The following ADAMTS17 variants were observed in gnomAD, a reference collection of about 807,000 sequenced individuals.
The protein encoded by ADAMTS17 is A disintegrin and metalloproteinase with thrombospondin motifs 17.
Under a neutral mutation model 141.5 loss-of-function variants are expected in ADAMTS17, and 113 were observed. That is an observed-to-expected ratio of 0.80 (90% CI 0.69 to 0.93). ADAMTS17 has a LOEUF of 0.93. ADAMTS17 is among the 40% of genes least tolerant of loss of function. The pLI is 0.00. For missense variants in ADAMTS17, 1,659 were observed against 1,517.9 expected (o/e 1.09, Z -1.54); for synonymous variants, 768 against 630.6 (o/e 1.22, Z -3.27).
chr15:100,096,432 G>C lies in ADAMTS17; in HGVS notation c.2061C>G (p.Asp687Glu), dbSNP rs755389468. 3 of 1,614,136 alleles carry C rather than the reference G, an allele frequency of 1.9e-6. No individual in the cohort carries two copies. ...DGIIGSAAKE[D>E]RCGVCSGDGK... Reference sequence around the variant, plus strand: ...CGTCCCCGCTGCAGACCCCGCATCTGTCCTCTTTGGCTGCAGACCCGATGA... The same window carrying C: ...CGTCCCCGCTGCAGACCCCGCATCTCTCCTCTTTGGCTGCAGACCCGATGA... The change falls in exon 15 of 22, where the codon GAC becomes GAG. Residue 687 changes from aspartate (D) to glutamate (E), a missense_variant. Physicochemically the swap from Asp to Glu is conservative, Grantham distance 45. Transcript: ENST00000268070.
chr15:99,984,288 T>C (rs1344940844), intron 20 of ADAMTS17, among the ~76,000 whole-genome samples: 1 of 152,134 alleles, frequency 6.6e-6, no homozygotes, highest in Admixed American at 6.5e-5. Flanking sequence ...CTCATCCTCT[T>C]TCCTGGGGCT....
chr15:100,146,820 G>A lies in ADAMTS17; in HGVS notation c.1473+5792C>T, dbSNP rs561261595. Among the ~76,000 whole-genome samples the A allele has an allele frequency of 2.8e-3, 163 of 58,862 alleles. 1 individual carries two copies. Among genetic ancestry groups the A allele is most frequent in the Middle Eastern group, 7.5e-3 (1 of 134 alleles). The allele number at this position is 58,862 out of a possible 152,430, so 38.6% of individuals were successfully genotyped here. ...CTGGGTGTGGTTGTCTCTTATGGTC[G>A]AGACTGCAGAGGTGAAATAGACCCC... On this transcript the variant is annotated intron_variant, in intron 10 of 21. Coordinates refer to ENST00000268070, the MANE Select transcript of ADAMTS17 (RefSeq NM_139057.4).
chr15:100,059,865 T>A (rs1231118140), intron 15 of ADAMTS17, among the ~76,000 whole-genome samples: 1 of 152,138 alleles, frequency 6.6e-6, no homozygotes, highest in African/African-American at 2.4e-5. Context: ...CATAATGTAT[T>A]TTTTTTCCTG....
chr15:100,144,281 G>C (rs2038794483), intron 10 of ADAMTS17, among the ~76,000 whole-genome samples: 3 of 152,178 alleles, frequency 2.0e-5, no homozygotes, highest in Admixed American at 2.0e-4. Flanking sequence ...GCTGGGCGTG[G>C]TGGCTCACAC....
intron 12 of ADAMTS17, among the ~76,000 whole-genome samples, chr15:100,117,605 C>G (rs762823546): frequency 7.9e-5 from 12 of 152,174 alleles, no homozygotes; most frequent in Non-Finnish European, 1.5e-4. Context: ...GTCTTGGATC[C>G]TAGATGCTCT....
Position 100,290,210 on chromosome 15 carries a change from C to CAATGCA in ADAMTS17, c.617-8810_617-8809insTGCATT, listed in dbSNP as rs1265710865. On this transcript the variant is annotated intron_variant, in intron 3 of 21. Coordinates refer to ENST00000268070, the MANE Select transcript of ADAMTS17 (RefSeq NM_139057.4). ...CAAAAATCAGTAGCATTTCTATATA[C>CAATGCA]CAATGACATCCAAGATGAGTGCAAA... 3.3e-5 allele frequency among the ~76,000 whole-genome samples: 5 copies of CAATGCA among 152,064 alleles called. No homozygotes were observed. The East Asian group carries it at 9.6e-4, about 29-fold the overall frequency.
chr15:100,001,994 C>CAAAAAAAAAAAAAAAAA (rs71151931), intron 18 of ADAMTS17, among the ~76,000 whole-genome samples: 3 of 58,378 alleles, frequency 5.1e-5, no homozygotes, highest in Non-Finnish European at 6.3e-5. Context: ...AGGCCAAACC[C>CAAAAAAAAAAAAAAAAA]AAAAAAAAAA....
chr15:100,173,129 G>A (rs1258164815), intron 8 of ADAMTS17, among the ~76,000 whole-genome samples: 4 of 152,188 alleles, frequency 2.6e-5, no homozygotes, highest in African/African-American at 7.2e-5. Context: ...CACAACTGGT[G>A]AGGAACTCTT....
At chr15:100,140,586 A>C (rs1234946346) in intron 10 of ADAMTS17, among the ~76,000 whole-genome samples, 1 of 151,486 alleles carries the variant, frequency 6.6e-6, no homozygotes, top group Admixed American at 6.6e-5. Flanking sequence ...CTAAGCAGTC[A>C]CCAAGTCCAG....
At chr15:100,202,309 T>A (rs1249261108) in intron 7 of ADAMTS17, among the ~76,000 whole-genome samples, 1 of 152,090 alleles carries the variant, frequency 6.6e-6, no homozygotes, top group Non-Finnish European at 1.5e-5. Context: ...TGCAGATGAT[T>A]TTTTTTTAAC....
At chr15:99,975,910 A>T in intron 21 of ADAMTS17, 135 bp downstream of exon 21, 1 of 1,017,198 alleles carries the variant, frequency 9.8e-7, no homozygotes, top group Non-Finnish European at 1.4e-6. Flanking sequence ...TACAGAACTG[A>T]CAAATGTCAG....
rs765922253 is a variant in ADAMTS17 at position 100,254,137 on chromosome 15, A to G, written c.1074T>C (p.Val358=). ...TTATTATTTCAACTCTAAACTTACC[A>G]ACAGTGTCACACGGTTCATCCTTGT... ...CVHKDEPCDT[V]GIAYLGGVCS... is the part of the protein sequence containing the mutation. Residue 358 remains valine (V), a splice_region_variant and synonymous_variant, in exon 7 of 22, where the codon GTT becomes GTC. Transcript: ENST00000268070. 199 of 1,613,276 alleles carry G rather than the reference A, an allele frequency of 1.2e-4. 1 individual carries two copies. The highest frequency in any genetic ancestry group is 1.6e-4 in the Non-Finnish European group (193 of 1,179,310).
At chr15:99,994,351 T>C (rs1409239872) in intron 19 of ADAMTS17, among the ~76,000 whole-genome samples, 1 of 151,974 alleles carries the variant, frequency 6.6e-6, no homozygotes, top group Non-Finnish European at 1.5e-5. Context: ...AATGCAGTAG[T>C]TCACACCCAT....
chr15:100,052,328 T>A lies in ADAMTS17; in HGVS notation c.2296-597A>T, dbSNP rs540346785. Reference sequence around the variant, plus strand: ...TGTGTACACCCCAGTTTGGGGACCATGGCTTTCTATATAGAGGCAAAGGGG... The same window carrying A: ...TGTGTACACCCCAGTTTGGGGACCAAGGCTTTCTATATAGAGGCAAAGGGG... On this transcript the variant is annotated intron_variant, in intron 16 of 21. Coordinates refer to ENST00000268070, the MANE Select transcript of ADAMTS17 (RefSeq NM_139057.4). Among the ~76,000 whole-genome samples the A allele has an allele frequency of 3.3e-5, 5 of 152,362 alleles. No homozygotes were observed. The East Asian group carries it at 9.6e-4, about 29-fold the overall frequency.
At chr15:100,207,300 T>C (rs1016452300) in intron 7 of ADAMTS17, among the ~76,000 whole-genome samples, 1 of 152,116 alleles carries the variant, frequency 6.6e-6, no homozygotes, top group Non-Finnish European at 1.5e-5. Context: ...AGATTCCTTA[T>C]CCCAAACCAG....
chr15:100,329,692 A>C (rs2045992707), intron 3 of ADAMTS17, among the ~76,000 whole-genome samples: 2 of 152,230 alleles, frequency 1.3e-5, no homozygotes, highest in South Asian at 4.1e-4. Flanking sequence ...TAATGTCTCC[A>C]TTTGAGACTC....
At chr15:100,188,193 C>A (rs1272002318) in intron 8 of ADAMTS17, among the ~76,000 whole-genome samples, 1 of 152,066 alleles carries the variant, frequency 6.6e-6, no homozygotes, top group Non-Finnish European at 1.5e-5. Context: ...TCTCCTGCCT[C>A]AGCCTCCCAA....
intron 7 of ADAMTS17, among the ~76,000 whole-genome samples, chr15:100,225,430 G>C (rs186955319): frequency 3.9e-4 from 59 of 152,354 alleles, no homozygotes; most frequent in African/African-American, 1.4e-3. Flanking sequence ...CATTCATGCA[G>C]TCCTTAAGCA....
intron 8 of ADAMTS17, among the ~76,000 whole-genome samples, chr15:100,156,595 A>C (rs1227759909): frequency 6.6e-6 from 1 of 152,220 alleles, no homozygotes; most frequent in Non-Finnish European, 1.5e-5. Flanking sequence ...TGTCAGTGAC[A>C]CTTGTTATTT....
Sources: allele counts gnomAD v4.1 joint callset (sites outside exome capture counted in the v4.1 genomes callset), GRCh38; gene constraint gnomAD v4.1.1; transcripts MANE v1.5; gene names NCBI Gene and HGNC (gene_info 2026-07-23, HGNC 2026-07-21).